NID2: variants seen among roughly 807,000 people sequenced by gnomAD.
NID2 encodes the protein nidogen 2.
Under a neutral mutation model 145.4 loss-of-function variants are expected in NID2, and 83 were observed. That is an observed-to-expected ratio of 0.57 (90% CI 0.48 to 0.69). NID2 has a LOEUF of 0.69. Among genes scored for constraint, NID2 ranks in the 30% least tolerant of loss-of-function variants. NID2 has a pLI of 0.00. For synonymous variants in NID2, 739 were observed against 701.3 expected (o/e 1.05, Z -0.85); for missense variants, 1,807 against 1,765.7 (o/e 1.02, Z -0.42).
chr14:52,067,120 A>G (rs1893244156), intron 2 of NID2, among the ~76,000 whole-genome samples: 1 of 152,232 alleles, frequency 6.6e-6, no homozygotes, highest in Non-Finnish European at 1.5e-5. Context: ...ATGTGCAAAG[A>G]TTTAGCTTTT....
At chr14:52,065,165 A>C (rs1201933184) in intron 2 of NID2, among the ~76,000 whole-genome samples, 1 of 152,218 alleles carries the variant, frequency 6.6e-6, no homozygotes, top group Non-Finnish European at 1.5e-5. Context: ...CCTGACAGGA[A>C]TATCCATGGA....
intron 15 of NID2, 40 bp downstream of exon 15, chr14:52,015,014 T>C (rs973713305): frequency 6.5e-7 from 1 of 1,540,268 alleles, no homozygotes; most frequent in Non-Finnish European, 8.9e-7. Context: ...GCAAAGGCCT[T>C]AGATACAGCT....
At chr14:52,045,695 T>G (rs1386551107) in intron 5 of NID2, among the ~76,000 whole-genome samples, 2 of 152,080 alleles carry the variant, frequency 1.3e-5, no homozygotes, top group Non-Finnish European at 2.9e-5. Context: ...TGTGTCAAAA[T>G]CTCAGGTTTC....
In NID2 at chr14:52,068,001, C is replaced by A; in HGVS notation, c.391G>T (p.Ala131Ser). 6.2e-7 allele frequency: 1 copy of A among 1,612,150 alleles called. No homozygotes were observed. Among genetic ancestry groups the A allele is most frequent in the Non-Finnish European group, 8.5e-7 (1 of 1,178,890 alleles). Residue 131 changes from alanine (A) to serine (S), a missense_variant, in exon 2 of 22, where the codon GCA becomes TCA. Coordinates refer to ENST00000216286, the MANE Select transcript of NID2 (RefSeq NM_007361.4). ...TAGCGGGCGGCCAGGCCCAGCACTG[C>A]GGGGGAGGTGTCCTCTCGGTACAGG... is the stretch of plus-strand genomic sequence containing the variant. ...RVLYREDTSP[A>S]VLGLAARYVR...
chr14:52,023,079 T>TAA (rs1338263846), intron 12 of NID2, among the ~76,000 whole-genome samples: 29 of 152,228 alleles, frequency 1.9e-4, no homozygotes, highest in Admixed American at 1.9e-3. Context: ...CCTCCTCCTA[T>TAA]AACCACACTG....
chr14:52,038,927 T>C lies in NID2; in HGVS notation c.2077A>G (p.Asn693Asp), dbSNP rs768965058. 4 of 1,614,062 alleles carry C rather than the reference T, an allele frequency of 2.5e-6. No individual in the cohort carries two copies. The highest frequency in any genetic ancestry group is 2.5e-6 in the Non-Finnish European group (3 of 1,179,986). Residue 693 changes from asparagine to aspartate, a missense_variant, in exon 9 of 22, where the codon AAC (asparagine) becomes GAC (aspartate). Transcript: ENST00000216286. ...TGGATGCGGTAGGACCATGTTTGGT[T>C]GATTGCACCAAAAGTCAGAGAGTAG... is the stretch of plus-strand genomic sequence containing the variant. ...RDYSLTFGAINQTWSYRIHQN... is the reference protein window; with the variant it reads ...RDYSLTFGAIDQTWSYRIHQN...
rs73292109 is a variant in NID2 at position 52,058,987 on chromosome 14, G to A, written c.767+1137C>T. Among the ~76,000 whole-genome samples the A allele has an allele frequency of 8.7e-3, 1,318 of 152,026 alleles. 20 individuals carry two copies. Among genetic ancestry groups the A allele is most frequent in the African/African-American group, 0.03 (1,258 of 41,466 alleles). The stretch of plus-strand genomic sequence containing the variant: ...TGCCCAATGTGGATCATAAGGATGG[G>A]AAAGGAAACAAGGACTCAGCATAAG... On this transcript the variant is annotated intron_variant, in intron 3 of 21. Transcript: ENST00000216286.
At chr14:52,011,416 T>TA in intron 17 of NID2, 138 bp downstream of exon 17, 1 of 1,038,958 alleles carries the variant, frequency 9.6e-7, no homozygotes, top group Non-Finnish European at 1.4e-6. Flanking sequence ...GGGCTAGTCT[T>TA]ATACAGCTCA....
rs539398057 is a variant in NID2 at position 52,010,785 on chromosome 14, T to C, written c.3722+91A>G. ...TGAATGCATTTGAGCTTTCACTCTC[T>C]TGTTCTGACCTTCCCCACATTGTAT... On this transcript the variant is annotated intron_variant, in intron 18 of 21. Coordinates refer to ENST00000216286, the MANE Select transcript of NID2 (RefSeq NM_007361.4). 1.1e-5 allele frequency: 15 copies of C among 1,311,814 alleles called. No individual in the cohort carries two copies. In the East Asian group the frequency reaches 2.6e-4, roughly 22 times the overall value. The allele number at this position is 1,311,814 out of a possible 1,614,324, so 81.3% of individuals were successfully genotyped here. A position where few individuals can be genotyped will look rare whatever the true frequency, so the allele number is the denominator to read the frequency against.
At chr14:52,066,771 C>T (rs1219145549) in intron 2 of NID2, among the ~76,000 whole-genome samples, 1 of 152,082 alleles carries the variant, frequency 6.6e-6, no homozygotes, top group African/African-American at 2.4e-5. Flanking sequence ...GGTTTCAGCC[C>T]CTAGAGTATG....
intron 1 of NID2, 112 bp from the exon 2 acceptor site, chr14:52,068,275 C>T: frequency 1.8e-6 from 2 of 1,094,414 alleles, no homozygotes; most frequent in Non-Finnish European, 2.7e-6. Flanking sequence ...CTCTCCTTCC[C>T]CACTGGCCAG....
At chr14:52,029,446 T>A in intron 10 of NID2, 101 bp downstream of exon 10, 1 of 1,093,564 alleles carries the variant, frequency 9.1e-7, no homozygotes. Flanking sequence ...ACAATGGAGG[T>A]TGTAAAGGTG....
rs570523606 is a variant in NID2 at position 52,017,661 on chromosome 14, G to GA, written c.3028+1399dup. Among the ~76,000 whole-genome samples, 21 of 152,134 alleles carry GA rather than the reference G, an allele frequency of 1.4e-4. No individual in the cohort carries two copies. The South Asian group carries it at 1.9e-3, about 14-fold the overall frequency. On this transcript the variant is annotated intron_variant, in intron 14 of 21. Coordinates refer to ENST00000216286, the MANE Select transcript of NID2 (RefSeq NM_007361.4). ...TTTCTTCAAATCCCAGATGGAGTTA[G>GA]AACCAAGACATTTTCAAAGAGAAGG... is the stretch of plus-strand genomic sequence containing the variant.
intron 21 of NID2, 90 bp downstream of exon 21, chr14:52,005,647 G>A (rs988119897): frequency 7.4e-7 from 1 of 1,354,118 alleles, no homozygotes; most frequent in African/African-American, 1.4e-5. Context: ...AATGGTGGCA[G>A]TGTCACAGGC....
chr14:52,056,167 A>G (rs1224280639), intron 3 of NID2, among the ~76,000 whole-genome samples: 2 of 152,226 alleles, frequency 1.3e-5, no homozygotes, highest in Non-Finnish European at 2.9e-5. Context: ...TGAGTTTATT[A>G]TCACATTAGA....
intron 2 of NID2, among the ~76,000 whole-genome samples, chr14:52,067,146 G>A (rs1893245029): frequency 6.6e-6 from 1 of 152,120 alleles, no homozygotes; most frequent in African/African-American, 2.4e-5. Context: ...AGTGATTCAC[G>A]CTATTATTTA....
At chr14:52,037,780 T>C (rs59520223) in intron 9 of NID2, among the ~76,000 whole-genome samples, 6,744 of 152,288 alleles carry the variant, frequency 0.044, 178 homozygotes, top group Middle Eastern at 0.082. Context: ...AATCCATGAA[T>C]GTGGAACATC....
At chr14:52,009,641 T>C (rs913598930) in intron 18 of NID2, 9 of 152,208 alleles carry the variant, frequency 5.9e-5, no homozygotes, top group Admixed American at 2.0e-4. Flanking sequence ...TCCAGAGACA[T>C]GGCCAAAGTT....
Position 52,053,877 on chromosome 14 carries a change from TG to T in NID2, c.1130del (p.Pro377GlnfsTer3). 6.2e-7 allele frequency: 1 copy of T among 1,614,128 alleles called. No homozygotes were observed. Among genetic ancestry groups the T allele is most frequent in the Non-Finnish European group, 8.5e-7 (1 of 1,179,974 alleles). ...AGGGCTCAACTTGGCCTTTTAAATCTGGGCCCCCTACCTCTCCCAGAGATGT... is the reference window on the plus strand; with the variant it reads ...AGGGCTCAACTTGGCCTTTTAAATCTGGCCCCCTACCTCTCCCAGAGATGT... ...EGTSLGEVGG[P>X]DLKGQVEPWD... On this transcript the variant is annotated frameshift_variant, in exon 5 of 22. Transcript: ENST00000216286. LOFTEE classifies it high-confidence loss of function.
Sources: allele counts gnomAD v4.1 joint callset (sites outside exome capture counted in the v4.1 genomes callset), GRCh38; gene constraint gnomAD v4.1.1; transcripts MANE v1.5; gene names NCBI Gene and HGNC (gene_info 2026-07-23, HGNC 2026-07-21).